The following TMEM232 variants were observed in gnomAD, a reference collection of about 807,000 sequenced individuals.
TMEM232 encodes the protein transmembrane protein 232.
TMEM232 carries 80 observed loss-of-function variants against 78.8 expected under a neutral mutation model. That is an observed-to-expected ratio of 1.01 (90% confidence interval 0.85 to 1.22). TMEM232 has a LOEUF of 1.22. Among genes scored for constraint, TMEM232 ranks in the 50% most tolerant of loss-of-function variants. The pLI, the probability that TMEM232 is intolerant of heterozygous loss-of-function variation, is 0.00. For synonymous variants in TMEM232, 297 were observed against 254.3 expected (o/e 1.17, Z -1.60); for missense variants, 881 against 742.2 (o/e 1.19, Z -2.17).
At chr5:110,533,482 C>T (rs1771860255) in intron 11 of TMEM232, among the ~76,000 whole-genome samples, 1 of 152,130 alleles carries the variant, frequency 6.6e-6, no homozygotes, top group African/African-American at 2.4e-5. Context: ...TGTCTGTGTG[C>T]AGCAGCTGCC....
rs560651720 is a variant in TMEM232, at chr5:110,565,921, A to AT, written c.1455+2525dup. Among the ~76,000 whole-genome samples the AT allele has an allele frequency of 7.2e-5, 11 of 151,966 alleles. No individual in the cohort carries two copies. The South Asian group carries it at 2.3e-3, about 32-fold the overall frequency. ...TCTACAGTCAATTTTCATCATTTAT[A>AT]TTTTCTTAGAAAATCATTTATTGCA... On this transcript the variant is annotated intron_variant, in intron 11 of 13. Coordinates refer to ENST00000455884, the MANE Select transcript of TMEM232 (RefSeq NM_001039763.4).
At chr5:110,500,288 CA>C (rs773716425) in intron 12 of TMEM232, among the ~76,000 whole-genome samples, 65 of 70,694 alleles carry the variant, frequency 9.2e-4, no homozygotes, top group East Asian at 3.0e-3. Context: ...GACTCTGTCT[CA>C]AAAAAAAAAA....
chr5:110,615,298 T>C (rs975022130), intron 8 of TMEM232, among the ~76,000 whole-genome samples: 8 of 151,970 alleles, frequency 5.3e-5, no homozygotes, highest in African/African-American at 1.4e-4. Context: ...TGGTGTAGAA[T>C]GGGCTGCCAG....
chr5:110,524,411 GAAAGAAAAGA>G (rs202226775), intron 12 of TMEM232, among the ~76,000 whole-genome samples: 1,109 of 61,360 alleles, frequency 0.018, 16 homozygotes, highest in South Asian at 0.072. Flanking sequence ...AAGAAAGAAA[GAAAGAAAAGA>G]AAAGAAAAGA....
At chr5:110,719,302 TATG>T (rs753695085) in intron 1 of TMEM232, among the ~76,000 whole-genome samples, 6 of 152,040 alleles carry the variant, frequency 3.9e-5, no homozygotes, top group Non-Finnish European at 8.8e-5. Flanking sequence ...CATATATAAT[TATG>T]CATGTGTGTA....
rs1374982257 is a variant in TMEM232 at position 110,460,111 on chromosome 5, A to G, written c.1704-35195T>C. Among the ~76,000 whole-genome samples, 6 of 152,164 alleles carry G rather than the reference A, an allele frequency of 3.9e-5. No homozygotes were observed. In the East Asian group the frequency reaches 1.2e-3, roughly 29 times the overall value. ...ATTAAATAATTTGAAGACAATTGAA[A>G]AAAACTTAGTATGACTGTGAATTAT... On this transcript the variant is annotated intron_variant, in intron 12 of 13. Transcript: ENST00000455884.
At chr5:110,549,210 AAAT>A (rs1337693952) in intron 11 of TMEM232, among the ~76,000 whole-genome samples, 3 of 152,156 alleles carry the variant, frequency 2.0e-5, no homozygotes, top group Admixed American at 1.3e-4. Context: ...AATTTTAGGA[AAAT>A]AATAATCCAT....
At chr5:110,418,208 C>T (rs1009988731), downstream of TMEM232, 2 of 151,980 alleles carry the variant, frequency 1.3e-5, no homozygotes, top group African/African-American at 4.8e-5. Context: ...ACATTAAATT[C>T]TCTCTGTTAA....
intron 2 of TMEM232, among the ~76,000 whole-genome samples, chr5:110,665,228 C>A (rs1790399731): frequency 6.6e-6 from 1 of 152,126 alleles, no homozygotes; most frequent in African/African-American, 2.4e-5. Context: ...ACATTTTGAT[C>A]TAGCAAGTTA....
chr5:110,648,572 T>C (rs1787843671), intron 2 of TMEM232, among the ~76,000 whole-genome samples: 1 of 152,068 alleles, frequency 6.6e-6, no homozygotes, highest in Admixed American at 6.6e-5. Context: ...TCTTTCTTTT[T>C]ATAATGCATA....
intron 2 of TMEM232, among the ~76,000 whole-genome samples, chr5:110,656,911 A>G (rs1789154938): frequency 6.6e-6 from 1 of 152,160 alleles, no homozygotes. Context: ...GATATTTTTA[A>G]TTCAATTTTT....
chr5:110,689,808 A>G (rs918065854), intron 1 of TMEM232, among the ~76,000 whole-genome samples: 6 of 152,198 alleles, frequency 3.9e-5, no homozygotes, highest in Non-Finnish European at 8.8e-5. Context: ...ATGAAACAGA[A>G]TAGAGGCCAC....
intron 1 of TMEM232, among the ~76,000 whole-genome samples, chr5:110,711,400 G>A (rs753422929): frequency 7.2e-5 from 11 of 151,946 alleles, no homozygotes; most frequent in Non-Finnish European, 1.3e-4. Flanking sequence ...CAGAGTAATA[G>A]AAAAAAACTA....
chr5:110,461,233 C>T lies in TMEM232; in HGVS notation c.1704-36317G>A, dbSNP rs313610. ...TTATTAAAGGAAATTAAAAGTGCTA[C>T]TCTAGTGAGCACATGAATGATTAAA... On this transcript the variant is annotated intron_variant, in intron 12 of 13. Transcript: ENST00000455884. Among the ~76,000 whole-genome samples the T allele has an allele frequency of 7.6e-3, 1,155 of 151,716 alleles. 15 individuals carry two copies. Among genetic ancestry groups the T allele is most frequent in the African/African-American group, 0.027 (1,099 of 41,200 alleles).
intron 12 of TMEM232, among the ~76,000 whole-genome samples, chr5:110,482,817 A>T (rs1764024707): frequency 6.6e-6 from 1 of 151,850 alleles, no homozygotes; most frequent in Non-Finnish European, 1.5e-5. Context: ...AAAACAAAAA[A>T]GTTTATCAAC....
chr5:110,390,319 C>A (rs1413158388), intron 4 of TMEM232: 1 of 152,204 alleles, frequency 6.6e-6, no homozygotes, highest in Non-Finnish European at 1.5e-5. Flanking sequence ...TTTCTCTACT[C>A]CCTGCCAGTG....
intron 12 of TMEM232, among the ~76,000 whole-genome samples, chr5:110,484,996 A>G (rs1335328562): frequency 6.6e-6 from 1 of 152,184 alleles, no homozygotes. Context: ...AGATATTAGC[A>G]TGGATGCAGT....
At chr5:110,456,321 AAT>A (rs756793192) in intron 12 of TMEM232, among the ~76,000 whole-genome samples, 71 of 152,158 alleles carry the variant, frequency 4.7e-4, no homozygotes, top group Admixed American at 1.8e-3. Flanking sequence ...AAAAACATAA[AAT>A]ATGTTACATA....
chr5:110,462,834 T>C (rs1319667072), intron 12 of TMEM232, among the ~76,000 whole-genome samples: 2 of 152,168 alleles, frequency 1.3e-5, no homozygotes, highest in African/African-American at 4.8e-5. Context: ...AATAGCAGAA[T>C]TAAAATTAGA....
Sources: allele counts gnomAD v4.1 joint callset (sites outside exome capture counted in the v4.1 genomes callset), GRCh38; gene constraint gnomAD v4.1.1; transcripts MANE v1.5; gene names NCBI Gene and HGNC (gene_info 2026-07-23, HGNC 2026-07-21).